COL19A1: variants seen among roughly 807,000 people sequenced by gnomAD.
COL19A1 encodes the protein collagen type XIX alpha 1 chain, also known as collagen alpha-1(XIX) chain.
Under a neutral mutation model 190.2 loss-of-function variants are expected in COL19A1, and 159 were observed. That is an observed-to-expected ratio of 0.84 (90% CI 0.73 to 0.95). The LOEUF is 0.95. COL19A1 is among the 40% of genes least tolerant of loss of function. The pLI is 0.00. For missense variants in COL19A1, 1,418 were observed against 1,431.9 expected (o/e 0.99, Z 0.16); for synonymous variants, 509 against 458.9 (o/e 1.11, Z -1.39).
intron 35 of COL19A1, among the ~76,000 whole-genome samples, 163 bp downstream of exon 35, chr6:70,162,116 G>C (rs1171749919): frequency 6.6e-6 from 1 of 152,144 alleles, no homozygotes; most frequent in Non-Finnish European, 1.5e-5. Flanking sequence ...TTTTCATTTA[G>C]TATTACTTAA....
chr6:69,891,067 GA>G, intron 2 of COL19A1: 1 of 328,332 alleles, frequency 3.0e-6, no homozygotes. Context: ...TTGATGGCCT[GA>G]AGGCAAGAAC....
rs1402026738 is a variant in COL19A1, at chr6:70,210,310, C to G, written c.*3036C>G. On this transcript the variant is annotated 3_prime_UTR_variant, in exon 51 of 51. Transcript: ENST00000620364. ...ATTCATATTTATGGCCTTTGGAATC[C>G]AAAGAAAAACAGAAGAATAATTCAT... Among the ~76,000 whole-genome samples, 1 of 152,014 alleles carries G rather than the reference C, an allele frequency of 6.6e-6. No individual in the cohort carries two copies. Among genetic ancestry groups the G allele is most frequent in the Non-Finnish European group, 1.5e-5 (1 of 67,978 alleles).
intron 1 of COL19A1, among the ~76,000 whole-genome samples, chr6:69,878,806 T>C (rs1380078269): frequency 6.6e-6 from 1 of 152,210 alleles, no homozygotes; most frequent in African/African-American, 2.4e-5. Flanking sequence ...GCAACCCAAA[T>C]GTCCATTGAT....
chr6:69,925,925 C>T lies in COL19A1; in HGVS notation c.267-1984C>T, dbSNP rs184811101. Among the ~76,000 whole-genome samples the T allele has an allele frequency of 8.1e-3, 1,231 of 152,202 alleles. 18 individuals are homozygous for T. The highest frequency in any genetic ancestry group is 0.027 in the African/African-American group (1,131 of 41,526). On this transcript the variant is annotated intron_variant, in intron 4 of 50. Transcript: ENST00000620364. ...TGTATAAGAATGCTTGTGATTTTTG[C>T]ACATTGATTTTGTATCCTGAGACTT...
intron 4 of COL19A1, among the ~76,000 whole-genome samples, chr6:69,911,063 T>A (rs1349950141): frequency 6.6e-6 from 1 of 152,216 alleles, no homozygotes; most frequent in Non-Finnish European, 1.5e-5. Context: ...GATTTTTCTG[T>A]AGGCTGATTG....
At position 70,146,710 on chromosome 6, in the gene COL19A1, A is replaced by C; in HGVS notation, c.1815+7A>C. ...TGGTCCACGTGGGCCAAAGGTATAC[A>C]AATATTATAGTTAATTTTTAAGGAA... On this transcript the variant is annotated splice_region_variant and intron_variant, in intron 26 of 50. Transcript: ENST00000620364. The C allele has an allele frequency of 6.2e-7, 1 of 1,605,428 alleles. No individual in the cohort carries two copies. The highest frequency in any genetic ancestry group is 8.5e-7 in the Non-Finnish European group (1 of 1,176,790).
chr6:70,207,080 G>T, intron 50 of COL19A1, 67 bp from the exon 51 acceptor site: 1 of 1,603,786 alleles, frequency 6.2e-7, no homozygotes, highest in Non-Finnish European at 8.5e-7. Context: ...ATCCATGTTG[G>T]CTAGAGGGTG....
intron 2 of COL19A1, chr6:69,890,659 C>G (rs1185696428): frequency 6.6e-6 from 1 of 152,084 alleles, no homozygotes; most frequent in Non-Finnish European, 1.5e-5. Flanking sequence ...GTGGGACATA[C>G]TTGTACTAAA....
At chr6:70,191,263 TA>T (rs1399822564) in intron 48 of COL19A1, among the ~76,000 whole-genome samples, 3 of 152,234 alleles carry the variant, frequency 2.0e-5, no homozygotes, top group African/African-American at 7.2e-5. Context: ...ATCTTCCTTA[TA>T]AAAATATTTT....
intron 11 of COL19A1, among the ~76,000 whole-genome samples, chr6:70,020,404 T>C (rs1028090279): frequency 2.0e-5 from 3 of 152,116 alleles, no homozygotes; most frequent in Non-Finnish European, 2.9e-5. Context: ...TTACTCACCA[T>C]GAGCTTTTAT....
intron 9 of COL19A1, among the ~76,000 whole-genome samples, chr6:69,942,427 G>A (rs1277969375): frequency 6.6e-6 from 1 of 151,932 alleles, no homozygotes; most frequent in Non-Finnish European, 1.5e-5. Flanking sequence ...ATAAATTATT[G>A]TTAACCATAG....
At chr6:70,093,067 A>G (rs566821462) in intron 15 of COL19A1, among the ~76,000 whole-genome samples, 1 of 152,274 alleles carries the variant, frequency 6.6e-6, no homozygotes, top group African/African-American at 2.4e-5. Flanking sequence ...ACCTACAAAC[A>G]TAACAGTTCC....
At chr6:70,077,805 T>A (rs1582855147) in intron 15 of COL19A1, among the ~76,000 whole-genome samples, 1 of 101,778 alleles carries the variant, frequency 9.8e-6, no homozygotes, top group Admixed American at 1.2e-4. Context: ...AATTCAATAA[T>A]GTAAACACAA....
intron 49 of COL19A1, among the ~76,000 whole-genome samples, chr6:70,204,972 AAATG>A (rs139267694): frequency 1.0e-3 from 157 of 152,312 alleles, no homozygotes; most frequent in African/African-American, 3.7e-3. Flanking sequence ...CACATACGTT[AAATG>A]AAAGTCACCT....
At chr6:70,096,395 A>T (rs1033991469) in intron 15 of COL19A1, among the ~76,000 whole-genome samples, 1 of 151,976 alleles carries the variant, frequency 6.6e-6, no homozygotes, top group African/African-American at 2.4e-5. Flanking sequence ...TCAACCTTGC[A>T]CAAGTGTTCC....
At chr6:69,978,397 C>A (rs1775847758) in intron 11 of COL19A1, among the ~76,000 whole-genome samples, 2 of 151,856 alleles carry the variant, frequency 1.3e-5, no homozygotes, top group Admixed American at 1.3e-4. Flanking sequence ...AAATAAAAAA[C>A]TCACCTTAAG....
intron 4 of COL19A1, among the ~76,000 whole-genome samples, chr6:69,921,419 A>G (rs866773412): frequency 1.9e-5 from 2 of 106,054 alleles, no homozygotes; most frequent in South Asian, 5.8e-4. Context: ...ATCATATATC[A>G]TATATATCAT....
chr6:70,163,436 T>C, intron 36 of COL19A1, 40 bp downstream of exon 36: 1 of 1,590,922 alleles, frequency 6.3e-7, no homozygotes, highest in Non-Finnish European at 8.6e-7. Flanking sequence ...AAACTGGGGC[T>C]TGGAGTGGGA....
At position 70,168,696 on chromosome 6, in the gene COL19A1, A is replaced by G. The variant is rs746054974; in HGVS notation, c.2568+15A>G. 6 of 1,612,514 alleles carry G rather than the reference A, an allele frequency of 3.7e-6. No individual in the cohort carries two copies. The Admixed American group carries it at 8.4e-5, about 23-fold the overall frequency. On this transcript the variant is annotated intron_variant, in intron 40 of 50. Transcript: ENST00000620364. The stretch of plus-strand genomic sequence containing the variant: ...CTGGCCCAGTGGTATGAATGTTCCC[A>G]TGTTTTGTGTCATTTAGAATATTGG...
Sources: gnomAD v4.1 joint callset for allele counts (sites outside exome capture counted in the v4.1 genomes callset) on GRCh38, gnomAD v4.1.1 for gene constraint, MANE v1.5 for transcripts, NCBI Gene and HGNC (gene_info 2026-07-23, HGNC 2026-07-21) for gene names.